NAALADL2: variants seen among roughly 807,000 people sequenced by gnomAD.
NAALADL2 encodes the protein inactive N-acetylated-alpha-linked acidic dipeptidase-like protein 2.
NAALADL2 carries 76 observed loss-of-function variants against 87.2 expected under a neutral mutation model. The ratio of observed to expected loss-of-function variants is 0.87; its 90% CI spans 0.72 to 1.05. The LOEUF (loss-of-function observed/expected upper bound fraction) is 1.05, where lower values mean the gene tolerates loss of function less well. Among genes scored for constraint, NAALADL2 ranks in the 50% least tolerant of loss-of-function variants. NAALADL2 has a pLI of 0.00. For missense variants in NAALADL2, 1,089 were observed against 945.8 expected, an observed-to-expected ratio of 1.15 and a Z score of -1.99; for synonymous variants, 354 against 331.0, an observed-to-expected ratio of 1.07 and a Z score of -0.75.
chr3:175,527,027 C>T (rs1298190670), intron 9 of NAALADL2, among the ~76,000 whole-genome samples: 1 of 151,984 alleles, frequency 6.6e-6, no homozygotes, highest in African/African-American at 2.4e-5. Flanking sequence ...GAAATAATTG[C>T]CAGTAAGAGC....
intron 9 of NAALADL2, among the ~76,000 whole-genome samples, chr3:175,528,558 C>A (rs1324076124): frequency 6.6e-6 from 1 of 152,094 alleles, no homozygotes; most frequent in African/African-American, 2.4e-5. Context: ...CAAGTTGACA[C>A]TCAGTATTAA....
At chr3:174,737,171 C>T (rs1733303971) in intron 2 of NAALADL2, among the ~76,000 whole-genome samples, 1 of 152,216 alleles carries the variant, frequency 6.6e-6, no homozygotes, top group Non-Finnish European at 1.5e-5. Context: ...AGCAACCTCT[C>T]CAGATGGGCT....
chr3:175,068,461 T>A (rs540249333), intron 1 of NAALADL2, among the ~76,000 whole-genome samples: 1 of 152,168 alleles, frequency 6.6e-6, no homozygotes, highest in East Asian at 1.9e-4. Context: ...AAACAAAACA[T>A]TGAATGTTGT....
At chr3:174,979,310 T>C (rs1320830815) in intron 1 of NAALADL2, among the ~76,000 whole-genome samples, 2 of 141,486 alleles carry the variant, frequency 1.4e-5, no homozygotes, top group Non-Finnish European at 3.1e-5. Flanking sequence ...TTTTCTTTTT[T>C]TTTTTTTTTT....
intron 1 of NAALADL2, among the ~76,000 whole-genome samples, chr3:175,071,102 G>A (rs1451609825): frequency 6.6e-6 from 1 of 152,050 alleles, no homozygotes; most frequent in Non-Finnish European, 1.5e-5. Context: ...TAGGTCCCTT[G>A]AGTGCCAGTT....
intron 1 of NAALADL2, among the ~76,000 whole-genome samples, chr3:174,441,333 A>G (rs1309097025): frequency 6.6e-6 from 1 of 152,164 alleles, no homozygotes; most frequent in East Asian, 1.9e-4. Context: ...ACCCGCTCCA[A>G]GGCCCCCGCC....
intron 1 of NAALADL2, among the ~76,000 whole-genome samples, chr3:175,070,069 G>A (rs1226051148): frequency 2.7e-5 from 4 of 149,458 alleles, no homozygotes; most frequent in Admixed American, 6.7e-5. Context: ...GCTAAATGAC[G>A]AGTTAATGGG....
rs201229751 is a variant in NAALADL2 at position 175,576,169 on chromosome 3, G to A, written c.1782G>A (p.Glu594=). 6.2e-7 allele frequency: 1 copy of A among 1,613,146 alleles called. No individual in the cohort carries two copies. Among genetic ancestry groups the A allele is most frequent in the East Asian group, 2.2e-5 (1 of 44,832 alleles). The part of the protein sequence containing the change: ...LGVPIVQFAY[E]DIKTLEGPSF... ...TTCCCATCGTGCAGTTTGCTTACGA[G>A]GACATCAAAACATTAGAGGTGATTG... is the stretch of plus-strand genomic sequence containing the variant. Residue 594 remains glutamate, a synonymous_variant, in exon 10 of 14, where the codon GAG becomes GAA. Transcript: ENST00000454872.
At chr3:175,182,281 T>C (rs1049972658) in intron 2 of NAALADL2, among the ~76,000 whole-genome samples, 2 of 152,170 alleles carry the variant, frequency 1.3e-5, no homozygotes, top group South Asian at 2.1e-4. Flanking sequence ...AACTTTCTTA[T>C]ATATTTTGGA....
intron 1 of NAALADL2, among the ~76,000 whole-genome samples, chr3:175,045,579 A>G (rs1754569082): frequency 6.6e-6 from 1 of 152,178 alleles, no homozygotes; most frequent in Non-Finnish European, 1.5e-5. Flanking sequence ...TACTGGAAGA[A>G]GACATGAGAC....
At chr3:174,903,985 T>TTCTATATCTATA (rs745581514) in intron 1 of NAALADL2, among the ~76,000 whole-genome samples, 2 of 128,446 alleles carry the variant, frequency 1.6e-5, no homozygotes, top group Non-Finnish European at 1.6e-5. Flanking sequence ...CTATATCTAT[T>TTCTATATCTATA]TCTATATCTA....
intron 4 of NAALADL2, among the ~76,000 whole-genome samples, chr3:175,309,377 G>C (rs9832432): frequency 0.14 from 20,666 of 151,860 alleles, 1,482 homozygotes; most frequent in Admixed American, 0.17. Context: ...GTAGAGACAG[G>C]GTTTCACCAT....
At chr3:175,680,151 C>A (rs1735392228) in intron 11 of NAALADL2, among the ~76,000 whole-genome samples, 1 of 152,100 alleles carries the variant, frequency 6.6e-6, no homozygotes, top group South Asian at 2.1e-4. Flanking sequence ...CCGTAATATC[C>A]CATTTCTGGA....
At position 175,498,442 on chromosome 3, in the gene NAALADL2, AG is replaced by A. The variant is rs778954863; in HGVS notation, c.1653+26685del. ...TTTAGGGAAGTGAAAGATTATTGAAAGTATGTCTTGATATTTTACAACCTTG... is the reference window on the plus strand; with the variant it reads ...TTTAGGGAAGTGAAAGATTATTGAAATATGTCTTGATATTTTACAACCTTG... On this transcript the variant is annotated intron_variant, in intron 9 of 13. Transcript: ENST00000454872. Among the ~76,000 whole-genome samples, 9 of 152,158 alleles carry A rather than the reference AG, an allele frequency of 5.9e-5. No homozygotes were observed. The South Asian group carries it at 1.9e-3, about 32-fold the overall frequency.
intron 11 of NAALADL2, among the ~76,000 whole-genome samples, chr3:175,676,980 A>G (rs1282266305): frequency 6.6e-6 from 1 of 152,148 alleles, no homozygotes; most frequent in African/African-American, 2.4e-5. Context: ...AGATATAAAT[A>G]AGGTTTATTT....
intron 2 of NAALADL2, among the ~76,000 whole-genome samples, chr3:174,568,152 C>T (rs1249116623): frequency 7.3e-5 from 11 of 151,644 alleles, no homozygotes; most frequent in African/African-American, 1.5e-4. Flanking sequence ...ATTTATTGTT[C>T]GCAGACATAC....
rs147585948 is a variant in NAALADL2, at chr3:175,333,996, C to T, written c.1090+9671C>T. ...ATTAAGAAATAACAATAAAAATTGTCCAATATTTTGACATCTTTGTATGTT... is the reference window on the plus strand; with the variant it reads ...ATTAAGAAATAACAATAAAAATTGTTCAATATTTTGACATCTTTGTATGTT... On this transcript the variant is annotated intron_variant, in intron 5 of 13. Transcript: ENST00000454872. 2.2e-3 allele frequency among the ~76,000 whole-genome samples: 331 copies of T among 152,138 alleles called. 3 individuals are homozygous for T. The highest frequency in any genetic ancestry group is 0.015 in the East Asian group (78 of 5,176).
At chr3:174,617,408 C>T (rs1411962007) in intron 2 of NAALADL2, among the ~76,000 whole-genome samples, 2 of 150,854 alleles carry the variant, frequency 1.3e-5, no homozygotes, top group East Asian at 1.9e-4. Flanking sequence ...AAGATTTTAT[C>T]GGGAATAAGA....
At chr3:175,462,265 A>G (rs1366783163) in intron 6 of NAALADL2, among the ~76,000 whole-genome samples, 1 of 152,138 alleles carries the variant, frequency 6.6e-6, no homozygotes, top group Non-Finnish European at 1.5e-5. Context: ...CTATTAATTG[A>G]AAAACAAACG....
Sources: gnomAD v4.1 joint callset for allele counts (sites outside exome capture counted in the v4.1 genomes callset) on GRCh38, gnomAD v4.1.1 for gene constraint, MANE v1.5 for transcripts, NCBI Gene and HGNC (gene_info 2026-07-23, HGNC 2026-07-21) for gene names.